CNTNAP2: variants seen among roughly 807,000 people sequenced by gnomAD.
CNTNAP2 encodes the protein contactin-associated protein-like 2.
A neutral mutation model predicts 155.2 loss-of-function variants in CNTNAP2; 98 were observed. That is an observed-to-expected ratio of 0.63 (90% CI 0.54 to 0.75). CNTNAP2 has a LOEUF of 0.75. Ranked by LOEUF, CNTNAP2 falls within the 30% of genes least tolerant of loss-of-function variation. The probability of loss-of-function intolerance (pLI) is 0.00; values close to 1 mark genes in which losing one functional copy is unlikely to be tolerated. For synonymous variants in CNTNAP2, 651 were observed against 631.2 expected (o/e 1.03, Z -0.47); for missense variants, 1,727 against 1,688.1 (o/e 1.02, Z -0.40).
intron 3 of CNTNAP2, among the ~76,000 whole-genome samples, chr7:147,000,137 G>A (rs1002071573): frequency 5.3e-5 from 8 of 151,462 alleles, no homozygotes; most frequent in South Asian, 2.1e-4. Flanking sequence ...TTCCACTTAC[G>A]AAGTTCTTCT....
At chr7:148,199,912 C>T (rs1267749622) in intron 18 of CNTNAP2, among the ~76,000 whole-genome samples, 1 of 152,164 alleles carries the variant, frequency 6.6e-6, no homozygotes, top group Non-Finnish European at 1.5e-5. Flanking sequence ...GCTTCAGAAC[C>T]AGGGGGACAA....
In CNTNAP2 at chr7:146,978,986, C is replaced by T. The variant is rs377345567; in HGVS notation, c.403-64921C>T. Among the ~76,000 whole-genome samples the T allele has an allele frequency of 5.3e-5, 8 of 152,126 alleles. No individual in the cohort carries two copies. In the East Asian group the frequency reaches 1.5e-3, roughly 29 times the overall value. ...AGGTTAATTTATGGTTTAGCTATAC[C>T]TCCTGTGGAAGTTCTGAAGATCTTA... On this transcript the variant is annotated intron_variant, in intron 3 of 23. Coordinates refer to ENST00000361727, the MANE Select transcript of CNTNAP2 (RefSeq NM_014141.6).
intron 10 of CNTNAP2, among the ~76,000 whole-genome samples, chr7:147,417,598 G>A (rs1031943436): frequency 6.6e-6 from 1 of 152,038 alleles, no homozygotes; most frequent in Non-Finnish European, 1.5e-5. Context: ...CAAAGAAAAC[G>A]TTAAATTTTA....
chr7:148,202,138 C>T (rs905304117), intron 18 of CNTNAP2, among the ~76,000 whole-genome samples: 7 of 152,014 alleles, frequency 4.6e-5, no homozygotes, highest in Admixed American at 4.6e-4. Context: ...TCATATGTGG[C>T]ACGGCCCCTC....
At chr7:148,360,093 G>T (rs1349372298) in intron 21 of CNTNAP2, among the ~76,000 whole-genome samples, 1 of 152,132 alleles carries the variant, frequency 6.6e-6, no homozygotes, top group Non-Finnish European at 1.5e-5. Flanking sequence ...AGGGAAGGGG[G>T]CTCACATTTA....
chr7:148,077,707 A>T (rs1332663317), intron 15 of CNTNAP2, among the ~76,000 whole-genome samples: 1 of 152,242 alleles, frequency 6.6e-6, no homozygotes, highest in Non-Finnish European at 1.5e-5. Flanking sequence ...GAATTGTCTC[A>T]TCAGTAAAAG....
chr7:147,968,823 C>CA (rs915893586), intron 14 of CNTNAP2, among the ~76,000 whole-genome samples: 3 of 152,018 alleles, frequency 2.0e-5, no homozygotes, highest in African/African-American at 7.2e-5. Context: ...CAAAATTGCA[C>CA]AAAAAATTAA....
At chr7:147,176,727 AT>A (rs374991079) in intron 8 of CNTNAP2, among the ~76,000 whole-genome samples, 12 of 120,646 alleles carry the variant, frequency 9.9e-5, no homozygotes, top group Admixed American at 4.9e-4. Context: ...TATATATTAT[AT>A]ATAATAGAAT....
chr7:146,310,352 T>A lies in CNTNAP2; in HGVS notation c.97+193379T>A, dbSNP rs189898375. ...AATATTGTATTAAGCTGATATTGAA[T>A]TTGTATCAGTGTTTTTTATGAACTG... On this transcript the variant is annotated intron_variant, in intron 1 of 23. Transcript: ENST00000361727. Among the ~76,000 whole-genome samples the A allele has an allele frequency of 1.4e-3, 206 of 152,330 alleles. 3 individuals are homozygous for A. Among genetic ancestry groups the A allele is most frequent in the Non-Finnish European group, 3.7e-4 (25 of 68,018 alleles).
chr7:146,502,224 A>AATATATAT (rs59759183), intron 1 of CNTNAP2, among the ~76,000 whole-genome samples: 2,864 of 94,108 alleles, frequency 0.03, 69 homozygotes, highest in Middle Eastern at 0.059. Flanking sequence ...TATATATATG[A>AATATATAT]ATATATATAT....
At chr7:146,163,279 A>G (rs1798253593) in intron 1 of CNTNAP2, among the ~76,000 whole-genome samples, 1 of 151,710 alleles carries the variant, frequency 6.6e-6, no homozygotes, top group African/African-American at 2.4e-5. Context: ...ATATCATCTA[A>G]AAGGAAAGGG....
chr7:146,509,130 G>A (rs949816475), intron 1 of CNTNAP2, among the ~76,000 whole-genome samples: 2 of 152,138 alleles, frequency 1.3e-5, no homozygotes, highest in Non-Finnish European at 2.9e-5. Context: ...CGGGTATTCG[G>A]ATCAAACATA....
chr7:147,810,664 A>G (rs1226973020), intron 13 of CNTNAP2, among the ~76,000 whole-genome samples: 2 of 152,240 alleles, frequency 1.3e-5, no homozygotes, highest in Non-Finnish European at 2.9e-5. Flanking sequence ...ACATTAGAAT[A>G]AGTGAATGAA....
At chr7:147,527,042 T>TTTTTTTGG (rs1799336900) in intron 11 of CNTNAP2, among the ~76,000 whole-genome samples, 1 of 128,806 alleles carries the variant, frequency 7.8e-6, no homozygotes, top group African/African-American at 2.9e-5. Context: ...TTTTTTTTTT[T>TTTTTTTGG]GATGGAGTCT....
chr7:147,715,312 G>T (rs978603408), intron 13 of CNTNAP2, among the ~76,000 whole-genome samples: 2 of 152,052 alleles, frequency 1.3e-5, no homozygotes, highest in African/African-American at 4.8e-5. Context: ...ATGTATGAGT[G>T]ATTCCGCTTA....
At chr7:146,303,991 T>C (rs571012786) in intron 1 of CNTNAP2, among the ~76,000 whole-genome samples, 2 of 152,136 alleles carry the variant, frequency 1.3e-5, no homozygotes, top group Non-Finnish European at 2.9e-5. Context: ...TTAGCTCTTC[T>C]TGTTGAATTG....
At position 147,014,737 on chromosome 7, in the gene CNTNAP2, G is replaced by A. The variant is rs529939300; in HGVS notation, c.403-29170G>A. On this transcript the variant is annotated intron_variant, in intron 3 of 23. Transcript: ENST00000361727. The stretch of plus-strand genomic sequence containing the variant: ...TGTTTGGTGGAAAGGCGGTTAATCC[G>A]GAGTGAAAGGCCTCAAATCTTGCCA... Among the ~76,000 whole-genome samples the A allele has an allele frequency of 1.7e-3, 264 of 152,126 alleles. 1 individual carries two copies. Among genetic ancestry groups the A allele is most frequent in the African/African-American group, 6.1e-3 (252 of 41,504 alleles).
chr7:146,764,198 A>G (rs1045017354), intron 1 of CNTNAP2, among the ~76,000 whole-genome samples: 12 of 152,278 alleles, frequency 7.9e-5, no homozygotes, highest in South Asian at 6.2e-4. Flanking sequence ...TCATTTAGTC[A>G]TATTGTGATT....
intron 20 of CNTNAP2, among the ~76,000 whole-genome samples, chr7:148,239,178 G>T (rs1301877364): frequency 1.3e-5 from 2 of 152,204 alleles, no homozygotes; most frequent in African/African-American, 2.4e-5. Flanking sequence ...CAAGAATAAT[G>T]ATGAGCCATT....
Sources: gnomAD v4.1 joint callset for allele counts (sites outside exome capture counted in the v4.1 genomes callset) on GRCh38, gnomAD v4.1.1 for gene constraint, MANE v1.5 for transcripts, NCBI Gene and HGNC (gene_info 2026-07-23, HGNC 2026-07-21) for gene names.